Variants in CAMTA2 observed in about 807,000 individuals in gnomAD.
The protein encoded by CAMTA2 is calmodulin binding transcription activator 2, also known as calmodulin-binding transcription activator 2.
CAMTA2 carries 56 observed loss-of-function variants against 135.7 expected under a neutral mutation model. The ratio of observed to expected loss-of-function variants is 0.41; its 90% CI spans 0.33 to 0.52. The LOEUF (loss-of-function observed/expected upper bound fraction) is 0.52. CAMTA2 is among the 20% of genes least tolerant of loss of function. CAMTA2 has a pLI of 0.16. For synonymous variants in CAMTA2, 591 were observed against 604.6 expected (o/e 0.98, Z 0.33); for missense variants, 1,358 against 1,553.4 (o/e 0.87, Z 2.11).
rs1363284776 is a variant in CAMTA2, at chr17:4,982,901, G to C, written c.204-9C>G. The C allele has an allele frequency of 2.5e-6, 4 of 1,614,066 alleles. No individual in the cohort carries two copies. The highest frequency in any genetic ancestry group is 2.5e-6 in the Non-Finnish European group (3 of 1,180,038). The stretch of plus-strand genomic sequence containing the variant: ...TGGAGCCATTCTGAGGCCTGGGAAG[G>C]GAAGGGTTGCCCTGGAGTTCTGTGA... On this transcript the variant is annotated splice_polypyrimidine_tract_variant and intron_variant, in intron 4 of 22. Coordinates refer to ENST00000348066, the MANE Select transcript of CAMTA2 (RefSeq NM_015099.4).
rs1169318205 is a variant in CAMTA2 at position 4,973,749 on chromosome 17, C to T, written c.2037G>A (p.Gly679=). The T allele has an allele frequency of 3.7e-6, 6 of 1,610,628 alleles. No homozygotes were observed. The highest frequency in any genetic ancestry group is 3.4e-5 in the Admixed American group (2 of 59,682). ...PPVQDEGQGP[G]FEARVVVLVE... is the part of the protein sequence containing the mutation. The stretch of plus-strand genomic sequence containing the variant: ...CCAAGACCACTACCCGTGCTTCGAA[C>T]CCAGGCCCCTGGCCTTCATCCTGCG... The change falls in exon 13 of 23, where the codon GGG becomes GGA. Residue 679 remains glycine, a synonymous_variant. Coordinates refer to ENST00000348066, the MANE Select transcript of CAMTA2 (RefSeq NM_015099.4).
At chr17:4,970,290 C>T in intron 17 of CAMTA2, 50 bp downstream of exon 17, 1 of 1,593,006 alleles carries the variant, frequency 6.3e-7, no homozygotes. Context: ...TTTCTCCCTT[C>T]CTCCCATCTT....
In CAMTA2 at chr17:4,981,799, G is replaced by A. The variant is rs549526146; in HGVS notation, c.444C>T (p.Asn148=). The A allele has an allele frequency of 4.0e-5, 64 of 1,611,106 alleles. No individual in the cohort carries two copies. The highest frequency in any genetic ancestry group is 1.3e-4 in the African/African-American group (10 of 74,852). ...NPDIVLVHYL[N]VPALEDCGKG... ...TTCCACAGTCCTCCAGGGCTGGGAC[G>A]TTCAGGTAGTGCACAAGGACGATGT... Residue 148 remains asparagine, a synonymous_variant, in exon 7 of 23, where the codon AAC becomes AAT. Coordinates refer to ENST00000348066, the MANE Select transcript of CAMTA2 (RefSeq NM_015099.4).
At position 4,969,126 on chromosome 17, in the gene CAMTA2, C is replaced by T. The variant is rs1333605157; in HGVS notation, c.3470+24G>A. 1.9e-6 allele frequency: 3 copies of T among 1,597,708 alleles called. No individual in the cohort carries two copies. The highest frequency in any genetic ancestry group is 2.7e-5 in the African/African-American group (2 of 74,478). On this transcript the variant is annotated intron_variant, in intron 21 of 22. Coordinates refer to ENST00000348066, the MANE Select transcript of CAMTA2 (RefSeq NM_015099.4). This position sits in a 1 kb window ranked among gnomAD's most constrained non-coding sequence, Gnocchi z 5.6. ...ATGGCGTGGATGCAGTGGGTGGGCA[C>T]AGAGGGCTGGGGCTGGGCCCTACTT...
At position 4,983,219 on chromosome 17, in the gene CAMTA2, C is replaced by T. The variant is rs187519270; in HGVS notation, c.136-176G>A. On this transcript the variant is annotated intron_variant, in intron 3 of 22. Transcript: ENST00000348066. ...CCCTCCTAAGAACCCTTCTTTTGTC[C>T]TAAGACAAAAGTCTAACATTTTTTT... is the stretch of plus-strand genomic sequence containing the variant. The T allele has an allele frequency of 1.2e-3, 693 of 598,732 alleles. 3 individuals are homozygous for T. Among genetic ancestry groups the T allele is most frequent in the African/African-American group, 0.011 (574 of 53,812 alleles). 37.1% of individuals were successfully genotyped at this position (598,732 alleles called of 1,614,324 possible).
intron 1 of CAMTA2, 107 bp downstream of exon 1, chr17:4,987,486 G>C (rs547822152): frequency 6.4e-6 from 9 of 1,404,508 alleles, no homozygotes; most frequent in Admixed American, 5.7e-5. Flanking sequence ...AGGGCGAACC[G>C]GGAAGAGGGA....
In CAMTA2 at chr17:4,970,456, G is replaced by A. The variant is rs142546361; in HGVS notation, c.2889C>T (p.Pro963=). ...GCTCCCGCATTGAGGCTCCAGCCTCGGGCAGCCCCACGAAGTCCTCTCGTT... is the reference window on the plus strand; with the variant it reads ...GCTCCCGCATTGAGGCTCCAGCCTCAGGCAGCCCCACGAAGTCCTCTCGTT... The part of the protein sequence containing the change: ...RIKREDFVGL[P]EAGASMRERT... The change falls in exon 17 of 23, where the codon CCC becomes CCT. Residue 963 remains proline, a synonymous_variant. Coordinates refer to ENST00000348066, the MANE Select transcript of CAMTA2 (RefSeq NM_015099.4). 1.1e-5 allele frequency: 17 copies of A among 1,614,034 alleles called. No homozygotes were observed. Among genetic ancestry groups the A allele is most frequent in the African/African-American group, 2.7e-5 (2 of 74,928 alleles).
At position 4,982,794 on chromosome 17, in the gene CAMTA2, CG is replaced by C; in HGVS notation, c.301del (p.Arg101GlufsTer5). ...WKKRKDGKTT[R>X]EDHMKLKVQG... Reference sequence around the variant, plus strand: ...GACCTTCAGCTTCATGTGGTCCTCTCGGGTGGTCTTCCCATCCTTCCGCTTC... The same window carrying C: ...GACCTTCAGCTTCATGTGGTCCTCTCGGTGGTCTTCCCATCCTTCCGCTTC... On this transcript the variant is annotated frameshift_variant, in exon 5 of 23. Transcript: ENST00000348066. LOFTEE classifies it high-confidence loss of function. The C allele has an allele frequency of 1.2e-6, 2 of 1,614,130 alleles. No homozygotes were observed. Among genetic ancestry groups the C allele is most frequent in the Non-Finnish European group, 1.7e-6 (2 of 1,180,014 alleles).
At position 4,977,183 on chromosome 17, in the gene CAMTA2, A is replaced by G; in HGVS notation, c.1775T>C (p.Val592Ala). The change falls in exon 11 of 23, where the codon GTA (valine) becomes GCA (alanine). Residue 592 changes from valine to alanine, a missense_variant. Val to Ala is a moderately conservative substitution (Grantham distance 64). Transcript: ENST00000348066. Reference protein sequence around the residue: ...VLRCYCPAHEVGLVSLQVAGR... With the variant: ...VLRCYCPAHEAGLVSLQVAGR... ...TGCCACCTGCAAAGACACCAGCCCT[A>G]CCTCATGGGCTGGAGAGGGTAGGAT... 2 of 1,613,848 alleles carry G rather than the reference A, an allele frequency of 1.2e-6. No individual in the cohort carries two copies. Among genetic ancestry groups the G allele is most frequent in the Non-Finnish European group, 8.5e-7 (1 of 1,179,886 alleles).
At position 4,972,911 on chromosome 17, in the gene CAMTA2, G is replaced by A; in HGVS notation, c.2361C>T (p.Asp787=). 6.2e-7 allele frequency: 1 copy of A among 1,613,902 alleles called. No individual in the cohort carries two copies. The highest frequency in any genetic ancestry group is 1.1e-5 in the South Asian group (1 of 91,086). ...CAGACAATGGCAGACGGCCCAGAGAGTCGGGAATGCTCAGTGCCTGTCGGT... is the reference window on the plus strand; with the variant it reads ...CAGACAATGGCAGACGGCCCAGAGAATCGGGAATGCTCAGTGCCTGTCGGT... ...RWNRQALSIP[D]SLGRLPLSVA... is the part of the protein sequence containing the mutation. The change falls in exon 15 of 23, where the codon GAC becomes GAT. Residue 787 remains aspartate, a synonymous_variant. Transcript: ENST00000348066.
chr17:4,978,611 ATGAGCACCT>A lies in CAMTA2; in HGVS notation c.1649_1657del (p.Lys550_Leu552del), dbSNP rs778199060. 6.2e-7 allele frequency: 1 copy of A among 1,613,968 alleles called. No individual in the cohort carries two copies. The highest frequency in any genetic ancestry group is 8.5e-7 in the Non-Finnish European group (1 of 1,179,844). ...GGCGGCTTCGGTCCAAGGACCTGTG[ATGAGCACCT>A]TGACCCCACCCTGCAGACAGAAGTC... On this transcript the variant is annotated inframe_deletion, in exon 10 of 23. Coordinates refer to ENST00000348066, the MANE Select transcript of CAMTA2 (RefSeq NM_015099.4).
chr17:4,986,380 A>AAGGCCGGGCGCG, intron 1 of CAMTA2, 94 bp from the exon 2 acceptor site: 2 of 614,720 alleles, frequency 3.3e-6, no homozygotes, highest in Admixed American at 5.9e-5. Context: ...ACTGGGTCAT[A>AAGGCCGGGCGCG]GTATCTGGGA....
rs761914563 is a variant in CAMTA2, at chr17:4,970,068, C to T, written c.3023G>A (p.Arg1008Gln). The T allele has an allele frequency of 2.3e-5, 37 of 1,613,884 alleles. No individual in the cohort carries two copies. The highest frequency in any genetic ancestry group is 1.6e-4 in the Middle Eastern group (1 of 6,084). ...TGCTGAAGGGACAGCCAGGCGACCT[C>T]GCTCAAAGGGCAGTTCGCTGTAGGC... ...STPPSELPFE[R>Q]GRLAVPSAPS... Residue 1008 changes from arginine (R) to glutamine (Q), a missense_variant, in exon 18 of 23, where the codon CGA (arginine) becomes CAA (glutamine). Arg to Gln is a conservative substitution (Grantham distance 43). Transcript: ENST00000348066.
rs1005747623 is a variant in CAMTA2 at position 4,986,889 on chromosome 17, C to T, written c.-64-603G>A. On this transcript the variant is annotated intron_variant, in intron 1 of 22. Coordinates refer to ENST00000348066, the MANE Select transcript of CAMTA2 (RefSeq NM_015099.4). ...GGACAACCCACCCTCCGGCTGACAG[C>T]CCTCTCTACGTAGCTCCCTCTCCCC... is the stretch of plus-strand genomic sequence containing the variant. 9 of 1,315,434 alleles carry T rather than the reference C, an allele frequency of 6.8e-6. No individual in the cohort carries two copies. In the African/African-American group the frequency reaches 1.3e-4, roughly 19 times the overall value. 81.5% of individuals were successfully genotyped at this position (1,315,434 alleles called of 1,614,324 possible). A position where few individuals can be genotyped will look rare whatever the true frequency, so the allele number is the denominator to read the frequency against.
At position 4,987,668 on chromosome 17, in the gene CAMTA2, C is replaced by A; in HGVS notation, c.-140G>T. ...GACCCCCCCCAGCGCCGGCTGACAG[C>A]GGCGTCTAACGTCACTGCGCACGGG... On this transcript the variant is annotated 5_prime_UTR_variant, in exon 1 of 23. Transcript: ENST00000348066. The A allele has an allele frequency of 1.3e-6, 2 of 1,514,226 alleles. No homozygotes were observed. Among genetic ancestry groups the A allele is most frequent in the East Asian group, 2.6e-5 (1 of 38,892 alleles). The allele number at this position is 1,514,226 out of a possible 1,614,324, so 93.8% of individuals were successfully genotyped here.
At chr17:4,986,985 C>A in intron 1 of CAMTA2, 1 of 1,470,132 alleles carries the variant, frequency 6.8e-7, no homozygotes, top group Admixed American at 2.6e-5. Context: ...AGCCTGAGCC[C>A]CCCGCCCTCC....
chr17:4,979,549 ACTAAGAAGC>A (rs1440582029), intron 9 of CAMTA2, 126 bp downstream of exon 9: 6 of 543,604 alleles, frequency 1.1e-5, no homozygotes, highest in Admixed American at 6.7e-5. Flanking sequence ...TAGGTAGAGG[ACTAAGAAGC>A]CTAAGAAGCC....
chr17:4,968,161 GTTACAGTA>G lies in CAMTA2; in HGVS notation c.*587_*594del, dbSNP rs1972029225. 1 of 343,160 alleles carries G rather than the reference GTTACAGTA, an allele frequency of 2.9e-6. No individual in the cohort carries two copies. Among genetic ancestry groups the G allele is most frequent in the Non-Finnish European group, 5.5e-6 (1 of 183,106 alleles). The allele number at this position is 343,160 out of a possible 1,614,324, so 21.3% of individuals were successfully genotyped here. ...ATAGATTCTTCACTATACTCTGTATGTTACAGTATGTACAAGACCCCTCCCCTCGGGGG... is the reference window on the plus strand; with the variant it reads ...ATAGATTCTTCACTATACTCTGTATGTGTACAAGACCCCTCCCCTCGGGGG... On this transcript the variant is annotated 3_prime_UTR_variant, in exon 23 of 23. Transcript: ENST00000348066.
In CAMTA2 at chr17:4,977,204, A is replaced by G. The variant is rs1257646001; in HGVS notation, c.1766-12T>C. The G allele has an allele frequency of 3.1e-6, 5 of 1,611,892 alleles. No individual in the cohort carries two copies. The African/African-American group carries it at 5.3e-5, about 17-fold the overall frequency. ...CCCTACCTCATGGGCTGGAGAGGGT[A>G]GGATCAGCGAGAAGGGCTCTCTTTC... On this transcript the variant is annotated splice_polypyrimidine_tract_variant and intron_variant, in intron 10 of 22. Coordinates refer to ENST00000348066, the MANE Select transcript of CAMTA2 (RefSeq NM_015099.4).
Sources: gnomAD v4.1 joint callset for allele counts on GRCh38, gnomAD v4.1.1 for gene constraint, Gnocchi (gnomAD v3.1) non-coding constraint, MANE v1.5 for transcripts, NCBI Gene and HGNC (gene_info 2026-07-23, HGNC 2026-07-21) for gene names.